Variants in CDH7 observed in about 807,000 individuals in gnomAD.
CDH7 encodes cadherin 7, also known as cadherin-7.
Under a neutral mutation model 71.8 loss-of-function variants are expected in CDH7, and 25 were observed. That is an observed-to-expected ratio of 0.35 (90% CI 0.25 to 0.49). CDH7 has a LOEUF of 0.49. CDH7 is among the 20% of genes least tolerant of loss of function. The pLI is 0.99. For missense variants in CDH7, 862 were observed against 974.6 expected (o/e 0.88, Z 1.54); for synonymous variants, 381 against 363.8 (o/e 1.05, Z -0.54).
At chr18:65,866,774 T>C (rs369606657) in intron 11 of CDH7, among the ~76,000 whole-genome samples, 10 of 152,278 alleles carry the variant, frequency 6.6e-5, no homozygotes, top group African/African-American at 2.4e-4. Flanking sequence ...TCTATCTGTA[T>C]TCTCCTAACT....
At chr18:65,753,983 C>T (rs893824306) in intron 1 of CDH7, among the ~76,000 whole-genome samples, 1 of 152,044 alleles carries the variant, frequency 6.6e-6, no homozygotes, top group Non-Finnish European at 1.5e-5. Context: ...TCACACGTGG[C>T]CCAAGGTAAA....
chr18:65,880,922 G>C lies in CDH7; in HGVS notation c.*28G>C, dbSNP rs780619698. On this transcript the variant is annotated 3_prime_UTR_variant, in exon 12 of 12. Coordinates refer to ENST00000397968, the MANE Select transcript of CDH7 (RefSeq NM_004361.5). ...TTGGAACCTTAATTCGAAATGTACT[G>C]AAGAAAAAGTAACAGCAAAAAATAA... 1.3e-6 allele frequency: 2 copies of C among 1,539,060 alleles called. No homozygotes were observed. The highest frequency in any genetic ancestry group is 1.7e-6 in the Non-Finnish European group (2 of 1,145,680).
intron 3 of CDH7, 143 bp from the exon 4 acceptor site, chr18:65,814,342 T>G (rs1370125477): frequency 1.2e-6 from 1 of 807,028 alleles, no homozygotes; most frequent in East Asian, 2.5e-5. Context: ...AAAAAAATAC[T>G]GTATCCATTT....
At chr18:65,830,770 T>G (rs973019342) in intron 6 of CDH7, among the ~76,000 whole-genome samples, 2 of 150,816 alleles carry the variant, frequency 1.3e-5, no homozygotes, top group African/African-American at 4.9e-5. Flanking sequence ...CTCTCTCTTT[T>G]CTTATTCTTT....
chr18:65,784,591 G>T (rs1286865318), intron 2 of CDH7, among the ~76,000 whole-genome samples: 1 of 152,122 alleles, frequency 6.6e-6, no homozygotes, highest in African/African-American at 2.4e-5. Context: ...AGGAGAAAAA[G>T]TCCTAGAACA....
chr18:65,868,920 C>A (rs1183563048), intron 11 of CDH7, among the ~76,000 whole-genome samples: 1 of 152,110 alleles, frequency 6.6e-6, no homozygotes, highest in African/African-American at 2.4e-5. Context: ...AAAGAATTAG[C>A]CCCTTTAAGC....
At chr18:65,864,759 C>T (rs909504905) in intron 11 of CDH7, among the ~76,000 whole-genome samples, 14 of 151,398 alleles carry the variant, frequency 9.2e-5, no homozygotes, top group African/African-American at 2.2e-4. Flanking sequence ...GGAGTGGTGG[C>T]GGGCGCCTGT....
chr18:65,854,299 T>C (rs1285632652), intron 7 of CDH7, among the ~76,000 whole-genome samples: 1 of 45,424 alleles, frequency 2.2e-5, no homozygotes, highest in Non-Finnish European at 4.3e-5. Flanking sequence ...GAGTAGACTT[T>C]GTTTAAATAA....
chr18:65,822,426 G>A (rs1911968776), intron 5 of CDH7, among the ~76,000 whole-genome samples, 178 bp downstream of exon 5: 1 of 152,004 alleles, frequency 6.6e-6, no homozygotes, highest in South Asian at 2.1e-4. Context: ...GATTATAAGG[G>A]TATTGAGAAG....
chr18:65,856,735 A>G (rs2009296), intron 7 of CDH7, among the ~76,000 whole-genome samples: 80,421 of 151,214 alleles, frequency 0.53, 24,993 homozygotes, highest in East Asian at 0.92. Flanking sequence ...TTGTTCGTTT[A>G]ATTGTTTGTT....
At chr18:65,855,447 A>G (rs531926261) in intron 7 of CDH7, among the ~76,000 whole-genome samples, 3 of 152,194 alleles carry the variant, frequency 2.0e-5, no homozygotes, top group South Asian at 4.1e-4. Flanking sequence ...AAAACACTAT[A>G]AACAAATCTA....
At position 65,822,221 on chromosome 18, in the gene CDH7, A is replaced by G; in HGVS notation, c.766A>G (p.Asn256Asp). The change falls in exon 5 of 12, where the codon AAC becomes GAC. Residue 256 changes from asparagine (N) to aspartate (D), a missense_variant. Asn to Asp is a conservative substitution (Grantham distance 23). Coordinates refer to ENST00000397968, the MANE Select transcript of CDH7 (RefSeq NM_004361.5). ...AGTCACTGTGACCCTAACTGATGTCAACGATAATCCACCTCGCTTTCCTCG... is the reference window on the plus strand; with the variant it reads ...AGTCACTGTGACCCTAACTGATGTCGACGATAATCCACCTCGCTTTCCTCG... ...TSVTVTLTDV[N>D]DNPPRFPRRS... 6.2e-7 allele frequency: 1 copy of G among 1,612,030 alleles called. No individual in the cohort carries two copies. Among genetic ancestry groups the G allele is most frequent in the Non-Finnish European group, 8.5e-7 (1 of 1,178,352 alleles).
At chr18:65,774,019 A>G (rs972828357) in intron 2 of CDH7, among the ~76,000 whole-genome samples, 10 of 152,114 alleles carry the variant, frequency 6.6e-5, no homozygotes, top group African/African-American at 2.4e-4. Context: ...CTGTCCTTAT[A>G]CTTAGCTGGG....
intron 2 of CDH7, among the ~76,000 whole-genome samples, chr18:65,785,840 A>T (rs1423855913): frequency 2.0e-5 from 3 of 152,218 alleles, no homozygotes; most frequent in African/African-American, 7.2e-5. Context: ...AAAAATTAAA[A>T]CAAAATTAAA....
rs1568182666 is a variant in CDH7, at chr18:65,782,154, CTTT to C, written c.210+19103_210+19105del. Among the ~76,000 whole-genome samples the C allele has an allele frequency of 5.6e-4, 61 of 108,236 alleles. 8 individuals are homozygous for C. The East Asian group carries it at 0.011, about 19-fold the overall frequency. 71.0% of individuals were successfully genotyped at this position (108,236 alleles called of 152,430 possible). A position where few individuals can be genotyped will look rare whatever the true frequency, so the allele number is the denominator to read the frequency against. ...TCTTTCTTTCTTTCTTTCTTTCTTT[CTTT>C]CTTTCTTCCTTTCTTTCTTTCTTTC... On this transcript the variant is annotated intron_variant, in intron 2 of 11. Coordinates refer to ENST00000397968, the MANE Select transcript of CDH7 (RefSeq NM_004361.5).
At chr18:65,790,402 T>G (rs1024159568) in intron 2 of CDH7, among the ~76,000 whole-genome samples, 8 of 152,000 alleles carry the variant, frequency 5.3e-5, no homozygotes, top group African/African-American at 1.9e-4. Flanking sequence ...TAAGCTTGAT[T>G]GTTAACAGGG....
chr18:65,886,573 T>A lies in CDH7; in HGVS notation c.*5679T>A, dbSNP rs550678574. The stretch of plus-strand genomic sequence containing the variant: ...AAGATAAAGGACTGCCTTTAGATGA[T>A]CCCAGCCTCATTGATGAACACAAAA... On this transcript the variant is annotated 3_prime_UTR_variant, in exon 12 of 12. Coordinates refer to ENST00000397968, the MANE Select transcript of CDH7 (RefSeq NM_004361.5). 2.0e-5 allele frequency: 3 copies of A among 152,272 alleles called. No homozygotes were observed. The East Asian group carries it at 5.8e-4, about 29-fold the overall frequency. The allele number at this position is 152,272 out of a possible 1,614,324, so 9.4% of individuals were successfully genotyped here. A position where few individuals can be genotyped will look rare whatever the true frequency, so the allele number is the denominator to read the frequency against.
At chr18:65,805,205 T>C (rs145694553) in intron 2 of CDH7, among the ~76,000 whole-genome samples, 9 of 152,238 alleles carry the variant, frequency 5.9e-5, no homozygotes, top group Non-Finnish European at 1.2e-4. Context: ...ATGAATTCTG[T>C]CATAGAAATT....
rs540110545 is a variant in CDH7 at position 65,883,663 on chromosome 18, A to G, written c.*2769A>G. On this transcript the variant is annotated 3_prime_UTR_variant, in exon 12 of 12. Coordinates refer to ENST00000397968, the MANE Select transcript of CDH7 (RefSeq NM_004361.5). ...CAGCCTTGGTGGGATTATTTAGACC[A>G]CAACAGTAATCAGCAAACACTACCC... The G allele has an allele frequency of 6.6e-6, 1 of 152,236 alleles. No homozygotes were observed. Among genetic ancestry groups the G allele is most frequent in the East Asian group, 1.9e-4 (1 of 5,186 alleles). 9.4% of individuals were successfully genotyped at this position (152,236 alleles called of 1,614,324 possible). A position where few individuals can be genotyped will look rare whatever the true frequency, so the allele number is the denominator to read the frequency against.
Sources: allele counts gnomAD v4.1 joint callset (sites outside exome capture counted in the v4.1 genomes callset), GRCh38; gene constraint gnomAD v4.1.1; transcripts MANE v1.5; gene names NCBI Gene and HGNC (gene_info 2026-07-23, HGNC 2026-07-21).